The following DENND4C variants were observed in gnomAD, a reference collection of about 807,000 sequenced individuals.
The protein encoded by DENND4C is DENN domain-containing protein 4C.
DENND4C carries 108 observed loss-of-function variants against 203.0 expected under a neutral mutation model. The observed-to-expected ratio is 0.53, with a 90% CI of 0.46 to 0.62. The LOEUF is 0.62. Among genes scored for constraint, DENND4C ranks in the 20% least tolerant of loss-of-function variants. The probability of loss-of-function intolerance (pLI) is 0.00; values close to 1 mark genes in which losing one functional copy is unlikely to be tolerated. For synonymous variants in DENND4C, 871 were observed against 792.4 expected, an observed-to-expected ratio of 1.10 and a Z score of -1.67; for missense variants, 2,481 against 2,301.2, an observed-to-expected ratio of 1.08 and a Z score of -1.60.
rs142053997 is a variant in DENND4C, at chr9:19,243,131, C to T, written c.-18+12298C>T. ...CAGAAAGAACCATTGTATACATTAG[C>T]AGTCACTCTCCAATCCCTCTCTCCT... On this transcript the variant is annotated intron_variant, in intron 1 of 32. Coordinates refer to ENST00000434457, the MANE Select transcript of DENND4C (RefSeq NM_001330640.2). 1.1e-3 allele frequency among the ~76,000 whole-genome samples: 174 copies of T among 152,244 alleles called. 1 individual carries two copies. Among genetic ancestry groups the T allele is most frequent in the African/African-American group, 3.6e-3 (149 of 41,552 alleles).
Position 19,302,775 on chromosome 9 carries a change from G to A in DENND4C, c.1311+2444G>A, listed in dbSNP as rs573843299. ...TCCAGCATTCTGGCCTTACCATCCCGGGAGCATTAGGCATTCCCCATACCT... is the reference window on the plus strand; with the variant it reads ...TCCAGCATTCTGGCCTTACCATCCCAGGAGCATTAGGCATTCCCCATACCT... On this transcript the variant is annotated intron_variant, in intron 9 of 32. Transcript: ENST00000434457. Among the ~76,000 whole-genome samples, 65 of 152,186 alleles carry A rather than the reference G, an allele frequency of 4.3e-4. 2 individuals are homozygous for A. The South Asian group carries it at 6.6e-3, about 16-fold the overall frequency.
At chr9:19,360,593 T>C (rs961584282) in intron 29 of DENND4C, 104 bp downstream of exon 29, 2 of 1,439,554 alleles carry the variant, frequency 1.4e-6, no homozygotes, top group Non-Finnish European at 1.9e-6. Flanking sequence ...GACAGATTTA[T>C]TTCTCTCTCA....
intron 10 of DENND4C, among the ~76,000 whole-genome samples, chr9:19,311,920 C>G (rs1485877265): frequency 6.6e-6 from 1 of 152,076 alleles, no homozygotes; most frequent in Non-Finnish European, 1.5e-5. Context: ...ACAGCAATTC[C>G]ACTTCTAGGA....
intron 1 of DENND4C, among the ~76,000 whole-genome samples, chr9:19,238,689 T>G (rs1490350048): frequency 7.9e-6 from 1 of 126,538 alleles, no homozygotes; most frequent in Non-Finnish European, 1.6e-5. Context: ...ATTTCGCTCT[T>G]GTGGCCCAGG....
At chr9:19,250,697 G>A (rs1826348360) in intron 1 of DENND4C, among the ~76,000 whole-genome samples, 1 of 152,204 alleles carries the variant, frequency 6.6e-6, no homozygotes, top group African/African-American at 2.4e-5. Flanking sequence ...ATTTCAAATG[G>A]GAGAAATTGG....
chr9:19,321,838 A>G (rs1842935895), intron 12 of DENND4C, among the ~76,000 whole-genome samples: 1 of 151,826 alleles, frequency 6.6e-6, no homozygotes, highest in Non-Finnish European at 1.5e-5. Context: ...TCTCAAAAAA[A>G]AAAAAAAAAA....
At chr9:19,271,539 G>C (rs998205556) in intron 1 of DENND4C, among the ~76,000 whole-genome samples, 2 of 152,062 alleles carry the variant, frequency 1.3e-5, no homozygotes, top group Non-Finnish European at 2.9e-5. Context: ...AAATGCAAAG[G>C]ACCTAGTATA....
intron 27 of DENND4C, 124 bp downstream of exon 27, chr9:19,357,278 C>CTTA (rs10667709): frequency 0.44 from 345,364 of 792,950 alleles, 80,922 homozygotes; most frequent in African/African-American, 0.68. Context: ...TACATCTTAA[C>CTTA]TTATTACCAC....
chr9:19,270,907 A>G (rs1831512063), intron 1 of DENND4C, among the ~76,000 whole-genome samples: 1 of 152,244 alleles, frequency 6.6e-6, no homozygotes, highest in South Asian at 2.1e-4. Flanking sequence ...ATCAATATGT[A>G]AAAATCAATT....
rs1423698972 is a variant in DENND4C, at chr9:19,373,583, C to G, written c.*1410C>G. 2 of 152,546 alleles carry G rather than the reference C, an allele frequency of 1.3e-5. No individual in the cohort carries two copies. Among genetic ancestry groups the G allele is most frequent in the Admixed American group, 1.3e-4 (2 of 15,274 alleles). The allele number at this position is 152,546 out of a possible 1,614,324, so 9.4% of individuals were successfully genotyped here. A position where few individuals can be genotyped will look rare whatever the true frequency, so the allele number is the denominator to read the frequency against. On this transcript the variant is annotated 3_prime_UTR_variant, in exon 33 of 33. Coordinates refer to ENST00000434457, the MANE Select transcript of DENND4C (RefSeq NM_001330640.2). The stretch of plus-strand genomic sequence containing the variant: ...AGGTTGAATCAATTAAGTCTTAAAA[C>G]TGTAAATTTATTAAGCTTGTTGCCA...
intron 10 of DENND4C, among the ~76,000 whole-genome samples, chr9:19,308,542 T>C (rs1016166635): frequency 2.6e-5 from 4 of 152,190 alleles, no homozygotes; most frequent in African/African-American, 9.7e-5. Context: ...TTGTAGAAAT[T>C]GTATATATAA....
intron 30 of DENND4C, among the ~76,000 whole-genome samples, chr9:19,369,430 A>C (rs964670510): frequency 6.6e-6 from 1 of 152,206 alleles, no homozygotes; most frequent in East Asian, 1.9e-4. Context: ...GGGAAGTGCT[A>C]TTGGTTAAGC....
Position 19,336,680 on chromosome 9 carries a change from C to T in DENND4C, c.2735-6C>T. The T allele has an allele frequency of 3.9e-6, 6 of 1,550,324 alleles. No individual in the cohort carries two copies. The highest frequency in any genetic ancestry group is 5.2e-6 in the Non-Finnish European group (6 of 1,146,736). ...GTTATTGAACTGCTATTGTCCTTAT[C>T]TTTAGCTCTTCAAAATGTCACAGGT... On this transcript the variant is annotated splice_region_variant and splice_polypyrimidine_tract_variant and intron_variant, in intron 19 of 32. Transcript: ENST00000434457.
intron 4 of DENND4C, 50 bp from the exon 5 acceptor site, chr9:19,290,654 A>G (rs1310109463): frequency 5.6e-6 from 7 of 1,253,270 alleles, no homozygotes; most frequent in African/African-American, 4.5e-5. Flanking sequence ...TATGCAATTT[A>G]TGGAAAAGTA....
In DENND4C at chr9:19,350,846, A is replaced by G. The variant is rs556401299; in HGVS notation, c.4462A>G (p.Ser1488Gly). The change falls in exon 24 of 33, where the codon AGT becomes GGT. Residue 1488 changes from serine (S) to glycine (G), a missense_variant. Transcript: ENST00000434457. The part of the protein sequence containing the change: ...SNTSLGSSSS[S>G]GDVGKLHYPT... ...CACAAGTCTTGGCAGTAGCAGCAGT[A>G]GTGGAGATGTAGGAAAACTGCATTA... The G allele has an allele frequency of 8.1e-6, 13 of 1,614,024 alleles. No individual in the cohort carries two copies. The highest frequency in any genetic ancestry group is 1.7e-5 in the Admixed American group (1 of 59,994).
At chr9:19,308,861 G>T (rs184218123) in intron 10 of DENND4C, among the ~76,000 whole-genome samples, 1 of 152,178 alleles carries the variant, frequency 6.6e-6, no homozygotes, top group East Asian at 1.9e-4. Context: ...ATGTATCTGG[G>T]CTAATTCTTT....
chr9:19,340,944 A>G (rs1478913622), intron 20 of DENND4C, 48 bp from the exon 21 acceptor site: 16 of 1,498,536 alleles, frequency 1.1e-5, no homozygotes, highest in Non-Finnish European at 1.4e-5. Context: ...TATATGAATT[A>G]TAAGTATATG....
chr9:19,281,312 A>G (rs987341184), intron 2 of DENND4C, among the ~76,000 whole-genome samples: 2 of 152,132 alleles, frequency 1.3e-5, no homozygotes, highest in East Asian at 1.9e-4. Flanking sequence ...GCTAATCATG[A>G]TGGTTAATAT....
At chr9:19,250,730 C>T (rs1337922519) in intron 1 of DENND4C, among the ~76,000 whole-genome samples, 1 of 152,164 alleles carries the variant, frequency 6.6e-6, no homozygotes, top group Non-Finnish European at 1.5e-5. Context: ...GGCTACAGGC[C>T]CCATGCAAGT....
Sources: allele counts gnomAD v4.1 joint callset (sites outside exome capture counted in the v4.1 genomes callset), GRCh38; gene constraint gnomAD v4.1.1; transcripts MANE v1.5; gene names NCBI Gene and HGNC (gene_info 2026-07-23, HGNC 2026-07-21).